WBP2NL: variants seen among roughly 807,000 people sequenced by gnomAD.
WBP2NL encodes WBP2 N-terminal like.
Under a neutral mutation model 23.3 loss-of-function variants are expected in WBP2NL, and 27 were observed. That is an observed-to-expected ratio of 1.16 (90% CI 0.85 to 1.60). The LOEUF (loss-of-function observed/expected upper bound fraction) is 1.60. Ranked by LOEUF, WBP2NL falls within the 40% of genes most tolerant of loss-of-function variation. The pLI is 0.00. For synonymous variants in WBP2NL, 151 were observed against 145.9 expected, an observed-to-expected ratio of 1.03 and a Z score of -0.25; for missense variants, 370 against 389.5, an observed-to-expected ratio of 0.95 and a Z score of 0.42.
At chr22:42,012,874 C>A (rs1922952435) in intron 1 of WBP2NL, among the ~76,000 whole-genome samples, 1 of 151,842 alleles carries the variant, frequency 6.6e-6, no homozygotes, top group Admixed American at 6.6e-5. Flanking sequence ...CACCTGTAGT[C>A]CCAGCTACTC....
chr22:42,037,850 AGTGTGTGTGT>A (rs145563548), downstream of WBP2NL, among the ~76,000 whole-genome samples: 7 of 143,814 alleles, frequency 4.9e-5, no homozygotes, highest in African/African-American at 1.3e-4. Flanking sequence ...AGAGAGTGAG[AGTGTGTGTGT>A]GTGTGTGTGT....
intron 8 of WBP2NL, among the ~76,000 whole-genome samples, chr22:42,041,116 G>A (rs1925384376): frequency 6.6e-6 from 1 of 152,052 alleles, no homozygotes; most frequent in Non-Finnish European, 1.5e-5. Context: ...AATTGTTATA[G>A]CTTCCTGTTG....
In WBP2NL at chr22:42,019,465, T is replaced by C. The variant is rs545365552; in HGVS notation, c.171+46T>C. 1.3e-5 allele frequency: 20 copies of C among 1,585,888 alleles called. No individual in the cohort carries two copies. The South Asian group carries it at 2.2e-4, about 17-fold the overall frequency. On this transcript the variant is annotated intron_variant, in intron 2 of 5. Coordinates refer to ENST00000328823, the MANE Select transcript of WBP2NL (RefSeq NM_152613.3). ...AATCTGCTGATTAACTCTACATTTGTTTTCCTTGAAATGAAGAAAACTTAA... is the reference window on the plus strand; with the variant it reads ...AATCTGCTGATTAACTCTACATTTGCTTTCCTTGAAATGAAGAAAACTTAA...
intron 1 of WBP2NL, among the ~76,000 whole-genome samples, chr22:42,010,490 A>G (rs1281079804): frequency 1.3e-5 from 2 of 151,886 alleles, no homozygotes; most frequent in African/African-American, 4.8e-5. Flanking sequence ...TTCTACTTTT[A>G]GTTTGTTGAG....
At chr22:42,037,938 C>T (rs1412628949) in intron 8 of WBP2NL, among the ~76,000 whole-genome samples, 1 of 151,370 alleles carries the variant, frequency 6.6e-6, no homozygotes, top group Non-Finnish European at 1.5e-5. Context: ...AATAATCTTA[C>T]TTTTTCCTTT....
intron 5 of WBP2NL, among the ~76,000 whole-genome samples, chr22:42,022,647 T>C (rs1427965989): frequency 6.6e-6 from 1 of 152,232 alleles, no homozygotes; most frequent in Non-Finnish European, 1.5e-5. Context: ...GCAGAAAATA[T>C]ATGCTCTTGC....
At chr22:42,045,039 C>T (rs1405884631) in intron 8 of WBP2NL, among the ~76,000 whole-genome samples, 5 of 151,762 alleles carry the variant, frequency 3.3e-5, no homozygotes, top group Non-Finnish European at 5.9e-5. Flanking sequence ...CTATGTTGCC[C>T]GGTCTGGTCT....
At chr22:42,029,668 G>T (rs1217925698), downstream of WBP2NL, among the ~76,000 whole-genome samples, 1 of 152,150 alleles carries the variant, frequency 6.6e-6, no homozygotes, top group African/African-American at 2.4e-5. Context: ...CACTGCGCCT[G>T]GCCTTCTATG....
chr22:42,049,391 C>G (rs1925727517), intron 8 of WBP2NL, among the ~76,000 whole-genome samples: 1 of 151,984 alleles, frequency 6.6e-6, no homozygotes, highest in Non-Finnish European at 1.5e-5. Flanking sequence ...TATAAAAATT[C>G]TAGAAGATAA....
chr22:42,036,350 A>G (rs1180832271), downstream of WBP2NL, among the ~76,000 whole-genome samples: 1 of 151,600 alleles, frequency 6.6e-6, no homozygotes, highest in Non-Finnish European at 1.5e-5. Context: ...AATTTTTTTT[A>G]CTTTTAGTAG....
chr22:42,000,864 G>T (rs1191565886), intron 1 of WBP2NL, among the ~76,000 whole-genome samples: 1 of 151,862 alleles, frequency 6.6e-6, no homozygotes, highest in Non-Finnish European at 1.5e-5. Context: ...GAACCCAAAA[G>T]GTGAATCACC....
intron 4 of WBP2NL, among the ~76,000 whole-genome samples, chr22:42,020,299 C>T (rs133336): frequency 0.39 from 59,971 of 151,870 alleles, 13,820 homozygotes; most frequent in East Asian, 0.85. Flanking sequence ...CTCAGCCTCC[C>T]GAAGTGCTGG....
At chr22:42,023,594 C>T (rs1338402872) in intron 5 of WBP2NL, among the ~76,000 whole-genome samples, 1 of 152,002 alleles carries the variant, frequency 6.6e-6, no homozygotes, top group Non-Finnish European at 1.5e-5. Context: ...CGGGTTCACG[C>T]CATTCTCCTG....
chr22:42,029,294 G>GAAAAAAA, downstream of WBP2NL, among the ~76,000 whole-genome samples: 4 of 81,990 alleles, frequency 4.9e-5, 1 homozygote, highest in African/African-American at 9.6e-5. Flanking sequence ...CTGTGTCTAG[G>GAAAAAAA]AAAAAAAAAA....
intron 1 of WBP2NL, among the ~76,000 whole-genome samples, chr22:42,008,671 G>A (rs995916841): frequency 1.3e-5 from 2 of 152,052 alleles, no homozygotes; most frequent in African/African-American, 4.8e-5. Flanking sequence ...GCAATGGTGC[G>A]ATCTCAGCTC....
At position 42,027,185 on chromosome 22, in the gene WBP2NL, T is replaced by C; in HGVS notation, c.*4T>C. On this transcript the variant is annotated 3_prime_UTR_variant, in exon 6 of 6. Coordinates refer to ENST00000328823, the MANE Select transcript of WBP2NL (RefSeq NM_152613.3). ...CTCTTCTCAGGTCCATTCTTAACCT[T>C]CTAAGATGTAAACCTTGAAGACTCA... The C allele has an allele frequency of 1.3e-6, 2 of 1,599,094 alleles. No individual in the cohort carries two copies. Among genetic ancestry groups the C allele is most frequent in the Non-Finnish European group, 8.5e-7 (1 of 1,173,822 alleles).
At chr22:42,022,409 C>A in intron 5 of WBP2NL, 53 bp downstream of exon 5, 1 of 1,476,074 alleles carries the variant, frequency 6.8e-7, no homozygotes, top group Non-Finnish European at 9.3e-7. Context: ...ATGCCAGAGG[C>A]TCAAAGATCT....
Position 42,027,776 on chromosome 22 carries a change from AAGAT to A in WBP2NL, c.*598_*601del, listed in dbSNP as rs1924645716. On this transcript the variant is annotated 3_prime_UTR_variant, in exon 6 of 6. Coordinates refer to ENST00000328823, the MANE Select transcript of WBP2NL (RefSeq NM_152613.3). Reference sequence around the variant, plus strand: ...AAAACTTCTCTATGACAGAAGTTAAAAGATAGGCAACAGAATAGGAAAAAGTGAT... The same window carrying A: ...AAAACTTCTCTATGACAGAAGTTAAAAGGCAACAGAATAGGAAAAAGTGAT... 5.1e-6 allele frequency: 2 copies of A among 392,920 alleles called. No homozygotes were observed. The highest frequency in any genetic ancestry group is 1.4e-4 in the South Asian group (1 of 6,980). The allele number at this position is 392,920 out of a possible 1,614,324, so 24.3% of individuals were successfully genotyped here.
downstream of WBP2NL, chr22:42,032,756 T>C (rs1241555554): frequency 4.2e-6 from 2 of 470,590 alleles, no homozygotes. Context: ...AAACTTTCTT[T>C]GAAGCTTCCT....
Sources: allele counts gnomAD v4.1 joint callset (sites outside exome capture counted in the v4.1 genomes callset), GRCh38; gene constraint gnomAD v4.1.1; transcripts MANE v1.5; gene names NCBI Gene and HGNC (gene_info 2026-07-23, HGNC 2026-07-21).